Variants in DBN1 observed in about 807,000 individuals in gnomAD.
DBN1 encodes drebrin.
Under a neutral mutation model 83.5 loss-of-function variants are expected in DBN1, and 21 were observed. The observed-to-expected ratio is 0.25, with a 90% CI of 0.18 to 0.36. DBN1 has a LOEUF of 0.36. DBN1 is among the 10% of genes least tolerant of loss of function. The pLI is 1.00. For synonymous variants in DBN1, 381 were observed against 384.9 expected, an observed-to-expected ratio of 0.99 and a Z score of 0.12; for missense variants, 874 against 935.7, an observed-to-expected ratio of 0.93 and a Z score of 0.86.
chr5:177,468,481 A>C, intron 2 of DBN1: 1 of 549,394 alleles, frequency 1.8e-6, no homozygotes, highest in Non-Finnish European at 3.2e-6. Context: ...CTCAGGTCTC[A>C]TTCTTCACAC....
rs570717315 is a variant in DBN1 at position 177,458,017 on chromosome 5, C to T, written c.1914+41G>A. The T allele has an allele frequency of 3.1e-6, 5 of 1,612,448 alleles. No individual in the cohort carries two copies. The East Asian group carries it at 1.1e-4, about 36-fold the overall frequency. ...CAGGGCCAGCACCCTGCTCAGCCCC[C>T]ACTCCCTCCCATCCCTCCCACCAGG... is the stretch of plus-strand genomic sequence containing the variant. On this transcript the variant is annotated intron_variant, in intron 13 of 14. Transcript: ENST00000393565.
At chr5:177,464,573 C>G (rs1757278693) in intron 8 of DBN1, among the ~76,000 whole-genome samples, 1 of 151,486 alleles carries the variant, frequency 6.6e-6, no homozygotes, top group Admixed American at 6.6e-5. Context: ...TCCTGGCCAA[C>G]ATGGTGAAAC....
At chr5:177,462,525 C>A in intron 8 of DBN1, 7 of 513,844 alleles carry the variant, frequency 1.4e-5, no homozygotes, top group Non-Finnish European at 1.8e-5. Context: ...GGAGGCACCT[C>A]CCCCCTCCGC....
chr5:177,461,091 C>CTT, intron 8 of DBN1, among the ~76,000 whole-genome samples: 1 of 122,084 alleles, frequency 8.2e-6, no homozygotes, highest in East Asian at 2.1e-4. Flanking sequence ...GCCTTCTGGC[C>CTT]TTCTTTTTTT....
rs759178294 is a variant in DBN1, at chr5:177,457,455, T to C, written c.2066A>G (p.Glu689Gly). The change falls in exon 15 of 15, where the codon GAG (glutamate) becomes GGG (glycine). Residue 689 changes from glutamate to glycine, a missense_variant. This residue lies in a region of DBN1 where 725 missense variants were observed against 719.7 expected (regional missense o/e 1.01). Transcript: ENST00000393565. Reference sequence around the variant, plus strand: ...CCGCTAATCACCACCCTCGAAGCCCTCCTCCTCTTCTGGAACTGGGTCTGC... The same window carrying C: ...CCGCTAATCACCACCCTCGAAGCCCCCCTCCTCTTCTGGAACTGGGTCTGC... ...WDADPVPEEE[E>G]GFEGGD 3.1e-6 allele frequency: 5 copies of C among 1,614,006 alleles called. No homozygotes were observed. Among genetic ancestry groups the C allele is most frequent in the Non-Finnish European group, 4.2e-6 (5 of 1,179,914 alleles).
At chr5:177,457,567 T>G in intron 14 of DBN1, 64 bp from the exon 15 acceptor site, 1 of 1,565,776 alleles carries the variant, frequency 6.4e-7, no homozygotes, top group Non-Finnish European at 8.8e-7. Context: ...CCAGCCTCTG[T>G]GAGCGGTGGG....
At chr5:177,462,336 C>G (rs1297340876) in intron 8 of DBN1, 7 of 985,448 alleles carry the variant, frequency 7.1e-6, no homozygotes, top group Non-Finnish European at 8.4e-6. Context: ...GCCTCCCTCC[C>G]AAATGCCTGC....
chr5:177,472,976 G>T (rs1286251835), intron 1 of DBN1: 1 of 395,320 alleles, frequency 2.5e-6, no homozygotes, highest in Non-Finnish European at 3.4e-6. Flanking sequence ...GCTGTGGCCG[G>T]GCCGGGCTGA....
rs1172007287 is a variant in DBN1 at position 177,466,519 on chromosome 5, C to T, written c.771+253G>A. 2.0e-5 allele frequency among the ~76,000 whole-genome samples: 3 copies of T among 152,346 alleles called. No individual in the cohort carries two copies. Among genetic ancestry groups the T allele is most frequent in the East Asian group, 1.9e-4 (1 of 5,176 alleles). ...GAGGGGGAGCCTGGTCAGTGAGGGT[C>T]TGGGTCTAGATGGAGTTTCTCTTCC... On this transcript the variant is annotated intron_variant, in intron 8 of 14. Coordinates refer to ENST00000393565, the MANE Select transcript of DBN1 (RefSeq NM_001363541.2). This position sits in a 1 kb window ranked among gnomAD's most constrained non-coding sequence, Gnocchi z 4.8.
In DBN1 at chr5:177,459,244, C is replaced by T. The variant is rs201408921; in HGVS notation, c.1118G>A (p.Arg373Lys). The change falls in exon 12 of 15, where the codon AGG becomes AAG. Residue 373 changes from arginine to lysine, a missense_variant. By Grantham distance (26) the Arg-to-Lys change is conservative (BLOSUM62 2). This residue lies in a region of DBN1 where 725 missense variants were observed against 719.7 expected (regional missense o/e 1.01). Coordinates refer to ENST00000393565, the MANE Select transcript of DBN1 (RefSeq NM_001363541.2). The part of the protein sequence containing the change: ...LPCSHLDSHR[R>K]MAPTPIPTRS... ...CGTGGGGATGGGAGTGGGCGCCATCCTCCGGTGGCTGTCCAGGTGGCTGCC... is the reference window on the plus strand; with the variant it reads ...CGTGGGGATGGGAGTGGGCGCCATCTTCCGGTGGCTGTCCAGGTGGCTGCC... 2.5e-6 allele frequency: 4 copies of T among 1,609,418 alleles called. No individual in the cohort carries two copies. The highest frequency in any genetic ancestry group is 1.1e-5 in the South Asian group (1 of 91,006).
Position 177,467,534 on chromosome 5 carries a change from T to C in DBN1, c.424A>G (p.Ser142Gly). 6.4e-7 allele frequency: 1 copy of C among 1,568,478 alleles called. No homozygotes were observed. Among genetic ancestry groups the C allele is most frequent in the Non-Finnish European group, 8.6e-7 (1 of 1,156,706 alleles). ...AGCCGCAGTCGGTGCAGCACAGGGC[T>C]GGAGAGTCGCGCCAGCCCGTTAGAG... ...RLSNGLARLS[S>G]PVLHRLRLRE... is the part of the protein sequence containing the mutation. The change falls in exon 5 of 15, where the codon AGC becomes GGC. Residue 142 changes from serine to glycine, a missense_variant. Coordinates refer to ENST00000393565, the MANE Select transcript of DBN1 (RefSeq NM_001363541.2). The surrounding 1 kb of genome is among the most constrained non-coding windows in gnomAD (Gnocchi z 9.1).
intron 1 of DBN1, 32 bp downstream of exon 1, chr5:177,473,404 A>C: frequency 8.0e-7 from 1 of 1,251,182 alleles, no homozygotes; most frequent in Non-Finnish European, 1.1e-6. Context: ...GCGCGGGGAC[A>C]AAGGGGCCGG....
At chr5:177,472,206 GC>G (rs2127405299) in intron 1 of DBN1, 1 of 1,613,750 alleles carries the variant, frequency 6.2e-7, no homozygotes, top group Non-Finnish European at 8.5e-7. Flanking sequence ...TGGATGCCCA[GC>G]CATCTCATCC....
chr5:177,472,352 T>A lies in DBN1; in HGVS notation c.86+1084A>T, dbSNP rs777070342. On this transcript the variant is annotated intron_variant, in intron 1 of 14. Transcript: ENST00000393565. ...TTTCCTCAAGAAGAACCTGTTCCCATCTGCCAGCAGGGAGAGGAGGCCTAG... is the reference window on the plus strand; with the variant it reads ...TTTCCTCAAGAAGAACCTGTTCCCAACTGCCAGCAGGGAGAGGAGGCCTAG... 1.3e-4 allele frequency: 189 copies of A among 1,490,696 alleles called. 1 individual carries two copies. The highest frequency in any genetic ancestry group is 1.5e-4 in the Non-Finnish European group (174 of 1,128,266). The allele number at this position is 1,490,696 out of a possible 1,614,324, so 92.3% of individuals were successfully genotyped here. A position where few individuals can be genotyped will look rare whatever the true frequency, so the allele number is the denominator to read the frequency against.
In DBN1 at chr5:177,458,607, C is replaced by G. The variant is rs767631268; in HGVS notation, c.1365G>C (p.Ala455=). The change falls in exon 13 of 15, where the codon GCG becomes GCC. Residue 455 remains alanine (A), a synonymous_variant. Coordinates refer to ENST00000393565, the MANE Select transcript of DBN1 (RefSeq NM_001363541.2). ...CAGGGCTGCCTGGCCCCCGGGGAGG[C>G]GCCTGTGCCTGAGGGGGCTCCTCCA... ...GPMEEPPQAQ[A]PPRGPGSPAE... is the part of the protein sequence containing the mutation. The G allele has an allele frequency of 6.2e-7, 1 of 1,611,648 alleles. No homozygotes were observed. Among genetic ancestry groups the G allele is most frequent in the Non-Finnish European group, 8.5e-7 (1 of 1,178,724 alleles).
Position 177,458,617 on chromosome 5 carries a change from TGA to T in DBN1, c.1353_1354del (p.Gln452GlyfsTer36), listed in dbSNP as rs1756754575. The T allele has an allele frequency of 6.2e-7, 1 of 1,610,322 alleles. No individual in the cohort carries two copies. The highest frequency in any genetic ancestry group is 8.5e-7 in the Non-Finnish European group (1 of 1,177,966). ...TGGCCCCCGGGGAGGCGCCTGTGCC[TGA>T]GGGGGCTCCTCCATGGGGCCGGCCC... On this transcript the variant is annotated frameshift_variant, in exon 13 of 15. Coordinates refer to ENST00000393565, the MANE Select transcript of DBN1 (RefSeq NM_001363541.2). LOFTEE classifies it high-confidence loss of function.
chr5:177,458,633 T>C lies in DBN1; in HGVS notation c.1339A>G (p.Met447Val). The C allele has an allele frequency of 6.2e-7, 1 of 1,604,452 alleles. No homozygotes were observed. Among genetic ancestry groups the C allele is most frequent in the Non-Finnish European group, 8.5e-7 (1 of 1,175,076 alleles). ...AAAPQAWAGP[M>V]EEPPQAQAPP... is the part of the protein sequence containing the mutation. ...GCCTGTGCCTGAGGGGGCTCCTCCA[T>C]GGGGCCGGCCCAGGCCTGAGGGGCT... is the stretch of plus-strand genomic sequence containing the variant. Residue 447 changes from methionine to valine, a missense_variant, in exon 13 of 15, where the codon ATG becomes GTG. Physicochemically the swap from Met to Val is conservative, Grantham distance 21. This residue lies in a region of DBN1 where 725 missense variants were observed against 719.7 expected (regional missense o/e 1.01). Coordinates refer to ENST00000393565, the MANE Select transcript of DBN1 (RefSeq NM_001363541.2).
At chr5:177,472,544 G>T in intron 1 of DBN1, 1 of 650,704 alleles carries the variant, frequency 1.5e-6, no homozygotes. Context: ...GACAACAGCT[G>T]GGGGGCGGGG....
At chr5:177,473,039 C>T (rs960797098) in intron 1 of DBN1, 1 of 164,328 alleles carries the variant, frequency 6.1e-6, no homozygotes, top group Non-Finnish European at 1.3e-5. Flanking sequence ...CGTCCCCGCC[C>T]GGACCTCGCC....
Sources: gnomAD v4.1 joint callset for allele counts (sites outside exome capture counted in the v4.1 genomes callset) on GRCh38, gnomAD v4.1.1 for gene constraint, gnomAD v4.1.1 regional missense constraint, Gnocchi (gnomAD v3.1) non-coding constraint, MANE v1.5 for transcripts, NCBI Gene and HGNC (gene_info 2026-07-23, HGNC 2026-07-21) for gene names.